Variants in ZNF536 observed in about 807,000 individuals in gnomAD.
The protein encoded by ZNF536 is zinc finger protein 536.
ZNF536 carries 13 observed loss-of-function variants against 84.5 expected under a neutral mutation model. The observed-to-expected ratio is 0.15, with a 90% CI of 0.10 to 0.24. ZNF536 has a LOEUF of 0.24. ZNF536 is among the 10% of genes least tolerant of loss of function. The pLI, the probability that ZNF536 is intolerant of heterozygous loss-of-function variation, is 1.00. For missense variants in ZNF536, 1,536 were observed against 1,747.5 expected (o/e 0.88, Z 2.16); for synonymous variants, 811 against 742.5 (o/e 1.09, Z -1.50).
At position 30,444,408 on chromosome 19, in the gene ZNF536, G is replaced by A; in HGVS notation, c.846G>A (p.Lys282=). 1 of 1,607,706 alleles carries A rather than the reference G, an allele frequency of 6.2e-7. No individual in the cohort carries two copies. The highest frequency in any genetic ancestry group is 1.1e-5 in the South Asian group (1 of 91,092). The stretch of plus-strand genomic sequence containing the variant: ...TCCGCTGTACCTTCTGCAAGGGCAA[G>A]TTCAAGAAGCGCGAGGAGCTGGACC... ...AGFRCTFCKG[K]FKKREELDRH... Residue 282 remains lysine, a synonymous_variant, in exon 2 of 5, where the codon AAG becomes AAA. Transcript: ENST00000355537.
chr19:30,483,969 C>T (rs973293076), intron 2 of ZNF536, among the ~76,000 whole-genome samples: 1 of 151,868 alleles, frequency 6.6e-6, no homozygotes, highest in Admixed American at 6.6e-5. Context: ...ACTGGAAATC[C>T]CCCTCTACCT....
intron 1 of ZNF536, among the ~76,000 whole-genome samples, chr19:30,572,898 T>G (rs2146570583): frequency 6.6e-6 from 1 of 152,294 alleles, no homozygotes; most frequent in Admixed American, 6.5e-5. Flanking sequence ...TCATCAGGAC[T>G]TTTAATGGCC....
rs1237575879 is a variant in ZNF536, at chr19:30,706,479, C to T, written c.170-4278C>T. Among the ~76,000 whole-genome samples the T allele has an allele frequency of 4.1e-5, 6 of 147,660 alleles. No homozygotes were observed. In the East Asian group the frequency reaches 1.2e-3, roughly 29 times the overall value. Reference sequence around the variant, plus strand: ...TGCAGCCTGTGCAATGAGTGAAACTCTGTCTCAAAAAAAAAAAAAAAGAAA... The same window carrying T: ...TGCAGCCTGTGCAATGAGTGAAACTTTGTCTCAAAAAAAAAAAAAAAGAAA... On this transcript the variant is annotated intron_variant, in intron 1 of 1. Transcript: ENST00000592773.
intron 1 of ZNF536, among the ~76,000 whole-genome samples, chr19:30,654,414 C>G (rs1019594496): frequency 6.6e-6 from 1 of 151,932 alleles, no homozygotes; most frequent in East Asian, 1.9e-4. Flanking sequence ...TCACCACCCC[C>G]CTTATTCACC....
At chr19:30,627,765 C>T (rs2048741021) in intron 1 of ZNF536, among the ~76,000 whole-genome samples, 1 of 152,200 alleles carries the variant, frequency 6.6e-6, no homozygotes, top group African/African-American at 2.4e-5. Flanking sequence ...TTGACCTTCC[C>T]CTGACATTGT....
intron 1 of ZNF536, among the ~76,000 whole-genome samples, chr19:30,683,149 C>G (rs973163543): frequency 3.9e-5 from 6 of 152,042 alleles, no homozygotes; most frequent in African/African-American, 1.4e-4. Context: ...CTAGGTGGCG[C>G]GAAAGACCAC....
chr19:30,302,097 T>C (rs1393335756), intron 2 of ZNF536, among the ~76,000 whole-genome samples: 4 of 152,338 alleles, frequency 2.6e-5, no homozygotes, highest in Non-Finnish European at 4.4e-5. Flanking sequence ...TAATATTTTT[T>C]CCCAGCACTA....
intron 2 of ZNF536, among the ~76,000 whole-genome samples, chr19:30,321,921 CG>C (rs2146258686): frequency 1.3e-5 from 2 of 152,072 alleles, no homozygotes; most frequent in Non-Finnish European, 2.9e-5. Flanking sequence ...GAATTATAGG[CG>C]TGCACCACCA....
rs956715855 is a variant in ZNF536 at position 30,389,159 on chromosome 19, G to A, written c.-3+16603G>A. The stretch of plus-strand genomic sequence containing the variant: ...GTGTGAGTTCACCCAGTCCGCACAC[G>A]TTCCACGTGCCTCCACGAAGCCAGG... On this transcript the variant is annotated intron_variant, in intron 1 of 4. Transcript: ENST00000355537. Among the ~76,000 whole-genome samples, 8 of 152,340 alleles carry A rather than the reference G, an allele frequency of 5.3e-5. No individual in the cohort carries two copies. In the South Asian group the frequency reaches 8.3e-4, roughly 16 times the overall value.
At chr19:30,611,008 C>CT (rs1224549477) in intron 1 of ZNF536, among the ~76,000 whole-genome samples, 1 of 152,172 alleles carries the variant, frequency 6.6e-6, no homozygotes, top group African/African-American at 2.4e-5. Flanking sequence ...TTGTTGAGGG[C>CT]TTACCATGTG....
intron 2 of ZNF536, among the ~76,000 whole-genome samples, chr19:30,336,498 G>A (rs934950250): frequency 4.6e-5 from 7 of 152,224 alleles, no homozygotes; most frequent in Non-Finnish European, 5.9e-5. Context: ...ACAGGCTGGC[G>A]GAGGTCCCTT....
chr19:30,660,256 C>T (rs568562271), intron 1 of ZNF536, among the ~76,000 whole-genome samples: 1 of 152,312 alleles, frequency 6.6e-6, no homozygotes, highest in South Asian at 2.1e-4. Flanking sequence ...GCAGTTTCAG[C>T]ACCCAGGCTC....
chr19:30,505,136 C>G (rs887938912), intron 2 of ZNF536, among the ~76,000 whole-genome samples: 1 of 151,478 alleles, frequency 6.6e-6, no homozygotes, highest in Non-Finnish European at 1.5e-5. Flanking sequence ...GGAAACATGT[C>G]AAAAGCCCCC....
intron 2 of ZNF536, among the ~76,000 whole-genome samples, chr19:30,503,243 A>G (rs751201370): frequency 1.3e-5 from 2 of 152,246 alleles, no homozygotes; most frequent in Admixed American, 6.5e-5. Flanking sequence ...TGCTAAATAC[A>G]TGATAGATGA....
Position 30,616,288 on chromosome 19 carries a change from C to T in ZNF536, c.169+66774C>T, listed in dbSNP as rs537339043. Among the ~76,000 whole-genome samples the T allele has an allele frequency of 6.1e-4, 93 of 152,284 alleles. 1 individual carries two copies. The highest frequency in any genetic ancestry group is 3.8e-4 in the Non-Finnish European group (26 of 68,032). ...GTGCATGATTTCAGCATTTCAGCAT[C>T]GAGCATCTGGTTGTATGCATGTTAC... is the stretch of plus-strand genomic sequence containing the variant. On this transcript the variant is annotated intron_variant, in intron 1 of 1. Transcript: ENST00000592773.
intron 1 of ZNF536, among the ~76,000 whole-genome samples, chr19:30,623,020 G>GTTTTTTTTTTTTTTT (rs66483120): frequency 1.5e-5 from 2 of 129,542 alleles, no homozygotes; most frequent in Non-Finnish European, 1.6e-5. Context: ...AAAATCTTGT[G>GTTTTTTTTTTTTTTT]TTTTTTTTTT....
chr19:30,308,896 G>T (rs7248284), intron 2 of ZNF536, among the ~76,000 whole-genome samples: 1 of 151,870 alleles, frequency 6.6e-6, no homozygotes, highest in Non-Finnish European at 1.5e-5. Flanking sequence ...AGAAAATGGC[G>T]CTTGAGAATT....
intron 1 of ZNF536, among the ~76,000 whole-genome samples, chr19:30,650,679 T>A (rs1401712685): frequency 6.6e-6 from 1 of 152,194 alleles, no homozygotes; most frequent in African/African-American, 2.4e-5. Flanking sequence ...CATGACACTG[T>A]TTCATCTTAA....
intron 1 of ZNF536, among the ~76,000 whole-genome samples, chr19:30,264,985 G>GAGAA (rs1555778118): frequency 6.6e-6 from 1 of 151,862 alleles, no homozygotes; most frequent in African/African-American, 2.4e-5. Flanking sequence ...GAGAGAGAAA[G>GAGAA]AGAGATTCAT....
Sources: gnomAD v4.1 joint callset for allele counts (sites outside exome capture counted in the v4.1 genomes callset) on GRCh38, gnomAD v4.1.1 for gene constraint, MANE v1.5 for transcripts, NCBI Gene and HGNC (gene_info 2026-07-23, HGNC 2026-07-21) for gene names.